PPP1R12B: variants seen among roughly 807,000 people sequenced by gnomAD.
The protein encoded by PPP1R12B is protein phosphatase 1 regulatory subunit 12B.
In PPP1R12B, 76 loss-of-function variants were observed where a neutral mutation model predicts 126.1. That is an observed-to-expected ratio of 0.60 (90% CI 0.50 to 0.73). PPP1R12B has a LOEUF of 0.73. Ranked by LOEUF, PPP1R12B falls within the 30% of genes least tolerant of loss-of-function variation. The pLI is 0.00. For missense variants in PPP1R12B, 1,052 were observed against 1,205.1 expected (o/e 0.87, Z 1.88); for synonymous variants, 356 against 434.7 (o/e 0.82, Z 2.25).
intron 1 of PPP1R12B, among the ~76,000 whole-genome samples, chr1:202,393,505 G>T (rs1440134881): frequency 6.6e-6 from 1 of 151,828 alleles, no homozygotes; most frequent in Non-Finnish European, 1.5e-5. Context: ...TTGGGGAAAT[G>T]GGTGCACTTA....
chr1:202,534,761 G>A (rs1419569959), intron 18 of PPP1R12B, among the ~76,000 whole-genome samples: 1 of 152,034 alleles, frequency 6.6e-6, no homozygotes, highest in Non-Finnish European at 1.5e-5. Flanking sequence ...AAGAAATAAG[G>A]AAAGCTGGGA....
Position 202,449,125 on chromosome 1 carries a change from T to C in PPP1R12B, c.1804T>C (p.Ser602Pro). The change falls in exon 13 of 24, where the codon TCC (serine) becomes CCC (proline). Residue 602 changes from serine (S) to proline (P), a missense_variant. Coordinates refer to ENST00000608999, the MANE Select transcript of PPP1R12B (RefSeq NM_002481.4). ...TGGGGTTACAGCTACTCCTGTGCTC[T>C]CCATTACTGGAACAGATTCCTCTGT... ...ANGVTATPVL[S>P]ITGTDSSVEA... 5 of 1,613,380 alleles carry C rather than the reference T, an allele frequency of 3.1e-6. No homozygotes were observed. The highest frequency in any genetic ancestry group is 4.2e-6 in the Non-Finnish European group (5 of 1,179,600).
chr1:202,505,850 G>A (rs926116790), intron 18 of PPP1R12B, among the ~76,000 whole-genome samples: 5 of 151,946 alleles, frequency 3.3e-5, no homozygotes, highest in Non-Finnish European at 5.9e-5. Context: ...ACCTGTTTAG[G>A]CAGATTTTTT....
chr1:202,545,106 C>T (rs1558355367), intron 18 of PPP1R12B, among the ~76,000 whole-genome samples: 3 of 152,202 alleles, frequency 2.0e-5, no homozygotes, highest in Non-Finnish European at 2.9e-5. Context: ...CTTTATAATC[C>T]GTTGTCATGG....
At chr1:202,408,716 T>C (rs903434334) in intron 1 of PPP1R12B, among the ~76,000 whole-genome samples, 1 of 152,164 alleles carries the variant, frequency 6.6e-6, no homozygotes, top group Non-Finnish European at 1.5e-5. Flanking sequence ...ATTTTACTTA[T>C]CCATTCAGCC....
rs140825006 is a variant in PPP1R12B, at chr1:202,569,411, T to C, written c.2862+214T>C. ...CATTGAGGACACCTTAAAGGCATTCTAGGAAAAAATACTGCCTTTGGTTTA... is the reference window on the plus strand; with the variant it reads ...CATTGAGGACACCTTAAAGGCATTCCAGGAAAAAATACTGCCTTTGGTTTA... On this transcript the variant is annotated intron_variant, in intron 23 of 23. Transcript: ENST00000608999. Among the ~76,000 whole-genome samples, 23 of 152,242 alleles carry C rather than the reference T, an allele frequency of 1.5e-4. No homozygotes were observed. In the East Asian group the frequency reaches 4.2e-3, roughly 28 times the overall value.
In PPP1R12B at chr1:202,348,804, A is replaced by G. The variant is rs770051292; in HGVS notation, c.-48A>G. ...CGGCAGCGGCAACTCGAGCCCCAACAGTAATTTAGTGTTGGTAGTTTTGGC... is the reference window on the plus strand; with the variant it reads ...CGGCAGCGGCAACTCGAGCCCCAACGGTAATTTAGTGTTGGTAGTTTTGGC... On this transcript the variant is annotated 5_prime_UTR_variant, in exon 1 of 24. Transcript: ENST00000608999. The G allele has an allele frequency of 8.3e-6, 13 of 1,563,818 alleles. No individual in the cohort carries two copies. In the South Asian group the frequency reaches 1.2e-4, roughly 15 times the overall value.
At chr1:202,569,840 T>G (rs1464147131) in intron 23 of PPP1R12B, among the ~76,000 whole-genome samples, 1 of 152,138 alleles carries the variant, frequency 6.6e-6, no homozygotes, top group African/African-American at 2.4e-5. Flanking sequence ...ATCACCTCCA[T>G]TAGCCACTTT....
At chr1:202,573,204 G>A (rs1688771187) in intron 23 of PPP1R12B, among the ~76,000 whole-genome samples, 2 of 152,136 alleles carry the variant, frequency 1.3e-5, no homozygotes, top group South Asian at 4.1e-4. Flanking sequence ...GCTGTACCAT[G>A]ATCTCCCTCC....
chr1:202,553,082 G>A (rs1177375340), intron 18 of PPP1R12B, among the ~76,000 whole-genome samples: 1 of 152,260 alleles, frequency 6.6e-6, no homozygotes, highest in Admixed American at 6.5e-5. Context: ...ATTAGAAACA[G>A]GCCCAAGCAA....
At chr1:202,382,252 A>G (rs1318758372) in intron 1 of PPP1R12B, among the ~76,000 whole-genome samples, 1 of 123,396 alleles carries the variant, frequency 8.1e-6, no homozygotes, top group Non-Finnish European at 1.6e-5. Context: ...GAAGGGGGAC[A>G]TCACACACTG....
chr1:202,586,768 GA>G lies in PPP1R12B; in HGVS notation c.*6210del, dbSNP rs1021472688. 1.3e-5 allele frequency: 2 copies of G among 152,232 alleles called. No individual in the cohort carries two copies. The highest frequency in any genetic ancestry group is 4.8e-5 in the African/African-American group (2 of 41,460). The allele number at this position is 152,232 out of a possible 1,614,324, so 9.4% of individuals were successfully genotyped here. ...GTTTGGCTTACAACCCAGTGTCCCG[GA>G]AGCCCTCCTTCGGGAGAACTGTAAG... On this transcript the variant is annotated 3_prime_UTR_variant, in exon 24 of 24. Coordinates refer to ENST00000608999, the MANE Select transcript of PPP1R12B (RefSeq NM_002481.4).
intron 12 of PPP1R12B, among the ~76,000 whole-genome samples, chr1:202,446,256 A>ATATATATT (rs376183502): frequency 6.3e-4 from 34 of 54,330 alleles, no homozygotes; most frequent in African/African-American, 1.4e-3. Flanking sequence ...ATATATATAT[A>ATATATATT]TTTTTTTTTT....
At chr1:202,450,196 T>C (rs187181713) in intron 13 of PPP1R12B, among the ~76,000 whole-genome samples, 1 of 152,264 alleles carries the variant, frequency 6.6e-6, no homozygotes, top group African/African-American at 2.4e-5. Context: ...GGATATAAAC[T>C]TTTGATTAAT....
intron 15 of PPP1R12B, among the ~76,000 whole-genome samples, chr1:202,494,675 C>T (rs1340550765): frequency 6.7e-6 from 1 of 149,686 alleles, no homozygotes; most frequent in Non-Finnish European, 1.5e-5. Context: ...CACTGCACTC[C>T]AGCCTGGGCA....
At chr1:202,391,321 G>T (rs528998953) in intron 1 of PPP1R12B, among the ~76,000 whole-genome samples, 9 of 152,210 alleles carry the variant, frequency 5.9e-5, no homozygotes, top group Non-Finnish European at 1.2e-4. Context: ...AATGAAAACC[G>T]TAATGAGATA....
intron 12 of PPP1R12B, among the ~76,000 whole-genome samples, chr1:202,446,236 C>CTCTA (rs1491246158): frequency 2.3e-5 from 2 of 88,048 alleles, no homozygotes; most frequent in South Asian, 1.1e-3. Flanking sequence ...CTCTCTCTCT[C>CTCTA]TATATATATA....
At chr1:202,350,655 C>T (rs1049271309) in intron 1 of PPP1R12B, among the ~76,000 whole-genome samples, 26 of 150,592 alleles carry the variant, frequency 1.7e-4, no homozygotes, top group Admixed American at 1.5e-3. Flanking sequence ...GAGTCTCGCT[C>T]TGTTGCCCAG....
In PPP1R12B at chr1:202,495,680, G is replaced by A; in HGVS notation, c.2446G>A (p.Asp816Asn). ...CACAGGCATCAATTTCTGGACAAAG[G>A]ATGTAAGTGGATTGGTCTGTGCTGA... ...RGTGINFWTKDEDETDGSEEV... is the reference protein window; with the variant it reads ...RGTGINFWTKNEDETDGSEEV... Residue 816 changes from aspartate to asparagine, a missense_variant and splice_region_variant, in exon 17 of 24, where the codon GAT (aspartate) becomes AAT (asparagine). Transcript: ENST00000608999. 6.2e-7 allele frequency: 1 copy of A among 1,613,110 alleles called. No homozygotes were observed. The highest frequency in any genetic ancestry group is 8.5e-7 in the Non-Finnish European group (1 of 1,179,150).
Sources: gnomAD v4.1 joint callset for allele counts (sites outside exome capture counted in the v4.1 genomes callset) on GRCh38, gnomAD v4.1.1 for gene constraint, MANE v1.5 for transcripts, NCBI Gene and HGNC (gene_info 2026-07-23, HGNC 2026-07-21) for gene names.